ATP11B: variants seen among roughly 807,000 people sequenced by gnomAD.
ATP11B encodes the protein phospholipid-transporting ATPase IF.
In ATP11B, 81 loss-of-function variants were observed where a neutral mutation model predicts 157.8. That is an observed-to-expected ratio of 0.51 (90% CI 0.43 to 0.62). ATP11B has a LOEUF of 0.62. Among genes scored for constraint, ATP11B ranks in the 20% least tolerant of loss-of-function variants. The probability of loss-of-function intolerance (pLI) is 0.00; values close to 1 mark genes in which losing one functional copy is unlikely to be tolerated. For missense variants in ATP11B, 1,165 were observed against 1,402.2 expected, an observed-to-expected ratio of 0.83 and a Z score of 2.70; for synonymous variants, 451 against 469.4, an observed-to-expected ratio of 0.96 and a Z score of 0.51.
At chr3:182,893,104 C>T (rs34176137) in intron 25 of ATP11B, among the ~76,000 whole-genome samples, 1 of 152,154 alleles carries the variant, frequency 6.6e-6, no homozygotes, top group African/African-American at 2.4e-5. Flanking sequence ...GTAGTATTGT[C>T]TTACCATGGA....
intron 13 of ATP11B, 111 bp downstream of exon 13, chr3:182,865,809 T>C (rs534398021): frequency 1.3e-6 from 1 of 771,884 alleles, no homozygotes; most frequent in African/African-American, 1.8e-5. Context: ...GAATATACAT[T>C]TGAAATTCAT....
At chr3:182,823,163 G>T (rs1252183169) in intron 2 of ATP11B, among the ~76,000 whole-genome samples, 10 of 152,126 alleles carry the variant, frequency 6.6e-5, no homozygotes, top group African/African-American at 2.4e-4. Context: ...CATTGCTTTT[G>T]GTGTTTTAGA....
chr3:182,797,976 A>G (rs1715737835), intron 1 of ATP11B, among the ~76,000 whole-genome samples: 1 of 152,258 alleles, frequency 6.6e-6, no homozygotes, highest in East Asian at 1.9e-4. Flanking sequence ...GTCTCTAGGA[A>G]AGAAAAAAAA....
chr3:182,836,989 C>T, intron 6 of ATP11B, 82 bp from the exon 7 acceptor site: 1 of 934,438 alleles, frequency 1.1e-6, no homozygotes, highest in Non-Finnish European at 1.7e-6. Flanking sequence ...ATTACTTTAC[C>T]TATAAAAGAG....
intron 7 of ATP11B, among the ~76,000 whole-genome samples, chr3:182,841,289 T>C (rs1718994466): frequency 6.6e-6 from 1 of 152,226 alleles, no homozygotes; most frequent in South Asian, 2.1e-4. Context: ...TTTTTTATTA[T>C]GTTCATTGCT....
chr3:182,877,616 T>C (rs148143799), intron 19 of ATP11B, among the ~76,000 whole-genome samples: 323 of 152,276 alleles, frequency 2.1e-3, no homozygotes, highest in Non-Finnish European at 3.5e-3. Context: ...CACTCCAGCC[T>C]GGGTGACAGA....
intron 12 of ATP11B, among the ~76,000 whole-genome samples, chr3:182,859,753 A>G (rs1720691489): frequency 6.6e-6 from 1 of 152,120 alleles, no homozygotes; most frequent in Non-Finnish European, 1.5e-5. Flanking sequence ...TCCCGGTTCT[A>G]TAGATGTGTC....
chr3:182,914,352 TA>T (rs1725005964), intron 29 of ATP11B: 3 of 978,400 alleles, frequency 3.1e-6, no homozygotes, highest in African/African-American at 3.6e-5. Flanking sequence ...TTTATTTTTT[TA>T]AAATTTTTTT....
At chr3:182,819,328 C>T (rs1717178742) in intron 1 of ATP11B, among the ~76,000 whole-genome samples, 1 of 152,122 alleles carries the variant, frequency 6.6e-6, no homozygotes, top group Non-Finnish European at 1.5e-5. Flanking sequence ...GCCTCAGCCT[C>T]CCAAAGTGCT....
intron 28 of ATP11B, chr3:182,908,517 A>G (rs1183600905): frequency 6.6e-6 from 1 of 152,186 alleles, no homozygotes; most frequent in Admixed American, 6.5e-5. Context: ...TATGTAATAC[A>G]TACAGAAATC....
At chr3:182,799,864 G>C (rs987133035) in intron 1 of ATP11B, among the ~76,000 whole-genome samples, 2 of 151,952 alleles carry the variant, frequency 1.3e-5, no homozygotes, top group Admixed American at 1.3e-4. Flanking sequence ...CTGTAACCTC[G>C]GCACTTTGGG....
Position 182,858,002 on chromosome 3 carries a change from A to T in ATP11B, c.976A>T (p.Thr326Ser). The change falls in exon 11 of 30, where the codon ACA becomes TCA. Residue 326 changes from threonine (T) to serine (S), a missense_variant. Thr to Ser is a moderately conservative substitution (Grantham distance 58). Transcript: ENST00000323116. ...GGATGAACCTTGGTATAACCAAAAA[A>T]CAGAACATCAAAGAAATAGCAGTAA... ...KWDEPWYNQKTEHQRNSSKIL... is the reference protein window; with the variant it reads ...KWDEPWYNQKSEHQRNSSKIL... The T allele has an allele frequency of 6.2e-7, 1 of 1,612,282 alleles. No individual in the cohort carries two copies. Among genetic ancestry groups the T allele is most frequent in the Non-Finnish European group, 8.5e-7 (1 of 1,178,676 alleles).
intron 27 of ATP11B, among the ~76,000 whole-genome samples, chr3:182,897,636 C>A (rs938195111): frequency 1.3e-5 from 2 of 151,694 alleles, no homozygotes; most frequent in Non-Finnish European, 2.9e-5. Context: ...TAATAATGAT[C>A]CCTGTTTTTT....
At chr3:182,841,977 C>CAAAA (rs11401208) in intron 7 of ATP11B, 98 bp from the exon 8 acceptor site, 1,573 of 360,646 alleles carry the variant, frequency 4.4e-3, no homozygotes, top group South Asian at 5.3e-3. Flanking sequence ...AGACTCGTCT[C>CAAAA]AAAAAAAAAA....
chr3:182,883,774 T>C (rs1246593598), intron 21 of ATP11B, among the ~76,000 whole-genome samples: 2 of 149,518 alleles, frequency 1.3e-5, no homozygotes, highest in East Asian at 4.0e-4. Context: ...GCTAAAACGG[T>C]GAAACCCCGT....
chr3:182,817,354 C>T (rs988339257), intron 1 of ATP11B, among the ~76,000 whole-genome samples: 1 of 151,756 alleles, frequency 6.6e-6, no homozygotes, highest in African/African-American at 2.4e-5. Context: ...GATCTCAGCT[C>T]ACTGCAACCT....
At chr3:182,897,909 T>G (rs934954513) in intron 27 of ATP11B, among the ~76,000 whole-genome samples, 2 of 152,060 alleles carry the variant, frequency 1.3e-5, no homozygotes, top group Admixed American at 6.5e-5. Context: ...GATTAAAAAT[T>G]AATGTTTCTC....
At chr3:182,794,860 T>C (rs1011196335) in intron 1 of ATP11B, among the ~76,000 whole-genome samples, 5 of 152,230 alleles carry the variant, frequency 3.3e-5, no homozygotes, top group Non-Finnish European at 1.5e-5. Context: ...TTTCATTTAC[T>C]AATTCTAAAG....
chr3:182,865,356 T>C (rs1721150423), intron 12 of ATP11B, 100 bp from the exon 13 acceptor site: 13 of 1,150,298 alleles, frequency 1.1e-5, no homozygotes, highest in Admixed American at 2.4e-5. Context: ...TATTAATAGA[T>C]AAACTGGACT....
Sources: allele counts gnomAD v4.1 joint callset (sites outside exome capture counted in the v4.1 genomes callset), GRCh38; gene constraint gnomAD v4.1.1; transcripts MANE v1.5; gene names NCBI Gene and HGNC (gene_info 2026-07-23, HGNC 2026-07-21).